The following LRMDA variants were observed in gnomAD, a reference collection of about 807,000 sequenced individuals.
LRMDA encodes leucine rich melanocyte differentiation associated, also known as leucine-rich melanocyte differentiation-associated protein.
LRMDA carries 18 observed loss-of-function variants against 29.8 expected under a neutral mutation model. That is an observed-to-expected ratio of 0.60 (90% CI 0.42 to 0.90). The LOEUF (loss-of-function observed/expected upper bound fraction) is 0.90, where lower values mean the gene tolerates loss of function less well. Among genes scored for constraint, LRMDA ranks in the 40% least tolerant of loss-of-function variants. LRMDA has a pLI of 0.00. For missense variants in LRMDA, 273 were observed against 273.9 expected (o/e 1.00, Z 0.02); for synonymous variants, 125 against 109.4 (o/e 1.14, Z -0.89).
At chr10:76,441,594 C>T (rs569454866) in intron 6 of LRMDA, among the ~76,000 whole-genome samples, 2 of 152,188 alleles carry the variant, frequency 1.3e-5, no homozygotes, top group Non-Finnish European at 1.5e-5. Flanking sequence ...AATAGAGAGC[C>T]CCCTAAAATG....
rs1195390544 is a variant in LRMDA, at chr10:76,500,738, A to G, written c.602-56471A>G. 5.3e-5 allele frequency among the ~76,000 whole-genome samples: 4 copies of G among 75,228 alleles called. 1 individual carries two copies. In the East Asian group the frequency reaches 1.0e-3, roughly 19 times the overall value. The allele number at this position is 75,228 out of a possible 152,430, so 49.4% of individuals were successfully genotyped here. A position where few individuals can be genotyped will look rare whatever the true frequency, so the allele number is the denominator to read the frequency against. On this transcript the variant is annotated intron_variant, in intron 6 of 6. Transcript: ENST00000611255. ...TATTAACTTTTAAAAACAGTTATCA[A>G]TTTGTGTATTTTCTTTGGTGAATTG... is the stretch of plus-strand genomic sequence containing the variant.
At chr10:76,474,454 G>C (rs1842647562) in intron 6 of LRMDA, among the ~76,000 whole-genome samples, 1 of 151,452 alleles carries the variant, frequency 6.6e-6, no homozygotes, top group Admixed American at 6.6e-5. Context: ...CTCTAGAACT[G>C]GAGAAATTTT....
At chr10:76,112,634 C>G (rs1229609063) in intron 5 of LRMDA, among the ~76,000 whole-genome samples, 1 of 152,256 alleles carries the variant, frequency 6.6e-6, no homozygotes, top group Non-Finnish European at 1.5e-5. Context: ...CCTGGATTTT[C>G]TTCTGGGCAT....
At chr10:76,159,682 A>T (rs942485860) in intron 5 of LRMDA, among the ~76,000 whole-genome samples, 1 of 152,164 alleles carries the variant, frequency 6.6e-6, no homozygotes, top group South Asian at 2.1e-4. Context: ...CATGCAGACA[A>T]TGGAATGCTA....
chr10:76,094,580 A>G lies in LRMDA; in HGVS notation c.516+35797A>G, dbSNP rs1460477784. ...TATTACATCATTATTCCAGGAAATTATCTATATCAGTACTACTCAAAGGTG... is the reference window on the plus strand; with the variant it reads ...TATTACATCATTATTCCAGGAAATTGTCTATATCAGTACTACTCAAAGGTG... On this transcript the variant is annotated intron_variant, in intron 5 of 6. Transcript: ENST00000611255. Among the ~76,000 whole-genome samples, 5 of 152,252 alleles carry G rather than the reference A, an allele frequency of 3.3e-5. No individual in the cohort carries two copies. In the East Asian group the frequency reaches 9.6e-4, roughly 29 times the overall value.
intron 5 of LRMDA, among the ~76,000 whole-genome samples, chr10:76,251,208 G>A (rs1852473226): frequency 6.9e-6 from 1 of 144,366 alleles, no homozygotes; most frequent in African/African-American, 2.5e-5. Flanking sequence ...GTCCATTGAA[G>A]GTTATCTCCC....
At chr10:75,954,735 A>G (rs1846636145) in intron 2 of LRMDA, among the ~76,000 whole-genome samples, 1 of 152,252 alleles carries the variant, frequency 6.6e-6, no homozygotes, top group Non-Finnish European at 1.5e-5. Context: ...TGCTAGTATC[A>G]AAACTTGCAG....
At chr10:76,037,312 C>T (rs1365913575) in intron 3 of LRMDA, among the ~76,000 whole-genome samples, 3 of 152,180 alleles carry the variant, frequency 2.0e-5, no homozygotes, top group African/African-American at 7.2e-5. Flanking sequence ...GTAGTTAAAC[C>T]ACTTGTTCAC....
At chr10:75,841,216 G>A (rs1471804064) in intron 2 of LRMDA, among the ~76,000 whole-genome samples, 1 of 152,240 alleles carries the variant, frequency 6.6e-6, no homozygotes, top group African/African-American at 2.4e-5. Context: ...ATATTTACAT[G>A]TTGGATGTGT....
chr10:75,706,036 G>T (rs1842361867), intron 2 of LRMDA, among the ~76,000 whole-genome samples: 2 of 152,138 alleles, frequency 1.3e-5, no homozygotes, highest in Admixed American at 1.3e-4. Flanking sequence ...GCATAACGCT[G>T]TATAGGTAAA....
chr10:75,861,841 C>A (rs1844935894), intron 2 of LRMDA, among the ~76,000 whole-genome samples: 1 of 152,246 alleles, frequency 6.6e-6, no homozygotes, highest in East Asian at 1.9e-4. Context: ...GGGATGCAAG[C>A]ACAATCTTAG....
intron 6 of LRMDA, among the ~76,000 whole-genome samples, chr10:76,408,829 A>T (rs1307453616): frequency 6.6e-6 from 1 of 152,078 alleles, no homozygotes; most frequent in Non-Finnish European, 1.5e-5. Flanking sequence ...TCTCCTCTTG[A>T]CAGCTTTCCT....
At chr10:75,444,810 A>G (rs1589146249) in intron 2 of LRMDA, among the ~76,000 whole-genome samples, 1 of 152,212 alleles carries the variant, frequency 6.6e-6, no homozygotes, top group Non-Finnish European at 1.5e-5. Flanking sequence ...AGAAATCACC[A>G]TTGTTATCAT....
intron 2 of LRMDA, among the ~76,000 whole-genome samples, chr10:75,967,728 G>C (rs566641688): frequency 4.1e-4 from 62 of 152,070 alleles, no homozygotes; most frequent in African/African-American, 1.4e-3. Flanking sequence ...GCACAGAACC[G>C]GCAAGGTCAG....
intron 2 of LRMDA, among the ~76,000 whole-genome samples, chr10:75,972,984 T>C (rs12218080): frequency 6.6e-6 from 1 of 151,072 alleles, no homozygotes; most frequent in East Asian, 1.9e-4. Context: ...AAGACTATAT[T>C]GGGAGTAAGT....
chr10:75,517,812 A>G (rs1335335499), intron 2 of LRMDA, among the ~76,000 whole-genome samples: 3 of 152,210 alleles, frequency 2.0e-5, no homozygotes, highest in African/African-American at 7.2e-5. Context: ...GTTTTTGCCC[A>G]TTCAGTATGA....
chr10:76,216,170 A>C (rs1056475791), intron 5 of LRMDA, among the ~76,000 whole-genome samples: 1 of 152,146 alleles, frequency 6.6e-6, no homozygotes, highest in African/African-American at 2.4e-5. Flanking sequence ...TCTGGGCAAC[A>C]AGCAAGACCC....
chr10:76,133,055 T>G (rs183786729), intron 5 of LRMDA, among the ~76,000 whole-genome samples: 1,679 of 138,000 alleles, frequency 0.012, 39 homozygotes, highest in African/African-American at 0.043. Flanking sequence ...TCTCCTGACC[T>G]CGTGATCCGC....
chr10:75,747,206 A>C (rs985222847), intron 2 of LRMDA, among the ~76,000 whole-genome samples: 1 of 152,152 alleles, frequency 6.6e-6, no homozygotes, highest in African/African-American at 2.4e-5. Flanking sequence ...ATCTTTTATT[A>C]GCTGTAAAGT....
Sources: gnomAD v4.1 joint callset for allele counts (sites outside exome capture counted in the v4.1 genomes callset) on GRCh38, gnomAD v4.1.1 for gene constraint, MANE v1.5 for transcripts, NCBI Gene and HGNC (gene_info 2026-07-23, HGNC 2026-07-21) for gene names.